Variants in MED28 observed in about 807,000 individuals in gnomAD.
The protein encoded by MED28 is mediator complex subunit 28, also known as mediator of RNA polymerase II transcription subunit 28.
A neutral mutation model predicts 21.3 loss-of-function variants in MED28; 26 were observed. The ratio of observed to expected loss-of-function variants is 1.22; its 90% CI spans 0.89 to 1.69. MED28 has a LOEUF of 1.69. MED28 is among the 40% of genes most tolerant of loss of function. The pLI is 0.00. For synonymous variants in MED28, 110 were observed against 87.6 expected, an observed-to-expected ratio of 1.26 and a Z score of -1.43; for missense variants, 257 against 215.4, an observed-to-expected ratio of 1.19 and a Z score of -1.21.
In MED28 at chr4:17,633,605, T is replaced by C; in HGVS notation, c.*9807T>C. The C allele has an allele frequency of 8.0e-7, 1 of 1,246,014 alleles. No homozygotes were observed. The highest frequency in any genetic ancestry group is 1.6e-5 in the African/African-American group (1 of 64,246). The allele number at this position is 1,246,014 out of a possible 1,614,324, so 77.2% of individuals were successfully genotyped here. ...TGAAAAAAGGCCTTCTGGAATTTGGTACCAGGTGCTAGAAAGAATCCTACT... is the reference window on the plus strand; with the variant it reads ...TGAAAAAAGGCCTTCTGGAATTTGGCACCAGGTGCTAGAAAGAATCCTACT... On this transcript the variant is annotated 3_prime_UTR_variant, in exon 4 of 4. Coordinates refer to ENST00000237380, the MANE Select transcript of MED28 (RefSeq NM_025205.5).
At chr4:17,615,398 T>TA (rs1560155883) in intron 1 of MED28, among the ~76,000 whole-genome samples, 1 of 152,152 alleles carries the variant, frequency 6.6e-6, no homozygotes, top group Admixed American at 6.6e-5. Context: ...TGAGGGAAGA[T>TA]AGAGAGGTGA....
chr4:17,623,445 A>G (rs1026114078), intron 3 of MED28, among the ~76,000 whole-genome samples, 156 bp from the exon 4 acceptor site: 14 of 150,670 alleles, frequency 9.3e-5, no homozygotes, highest in African/African-American at 3.4e-4. Flanking sequence ...AGAATCTGTC[A>G]TCTGGGTTAA....
intron 2 of MED28, among the ~76,000 whole-genome samples, chr4:17,620,915 C>G (rs746570620): frequency 6.6e-6 from 1 of 151,624 alleles, no homozygotes; most frequent in African/African-American, 2.4e-5. Context: ...GCTGTATTGC[C>G]CAGGCTGGTC....
Position 17,623,702 on chromosome 4 carries a change from C to T in MED28, c.441C>T (p.Asn147=), listed in dbSNP as rs373739347. Residue 147 remains asparagine, a synonymous_variant, in exon 4 of 4, where the codon AAC becomes AAT. Transcript: ENST00000237380. ...GGCAGCAGGTGCTGGAGGACATCAA[C>T]GTGCAGCACAAAAAGCCCGCCGACA... ...RHWQQVLEDI[N]VQHKKPADIP... 3.7e-5 allele frequency: 59 copies of T among 1,614,108 alleles called. No homozygotes were observed. The highest frequency in any genetic ancestry group is 1.5e-4 in the African/African-American group (11 of 74,932).
At chr4:17,617,065 C>T (rs1714474061) in intron 1 of MED28, among the ~76,000 whole-genome samples, 1 of 152,152 alleles carries the variant, frequency 6.6e-6, no homozygotes. Flanking sequence ...TGTGGGAGCA[C>T]ATATAGGTGT....
rs549925234 is a variant in MED28, at chr4:17,629,932, C to T, written c.*6134C>T. ...TAAGTTTGTGTCCTTAAATGCCTTA[C>T]TTCAATACCCAAGGCATATGGCCTC... On this transcript the variant is annotated 3_prime_UTR_variant, in exon 4 of 4. Coordinates refer to ENST00000237380, the MANE Select transcript of MED28 (RefSeq NM_025205.5). 2 of 152,278 alleles carry T rather than the reference C, an allele frequency of 1.3e-5. No individual in the cohort carries two copies. Among genetic ancestry groups the T allele is most frequent in the African/African-American group, 4.8e-5 (2 of 41,560 alleles). The allele number at this position is 152,278 out of a possible 1,614,324, so 9.4% of individuals were successfully genotyped here. A position where few individuals can be genotyped will look rare whatever the true frequency, so the allele number is the denominator to read the frequency against.
chr4:17,632,483 A>G lies in MED28; in HGVS notation c.*8685A>G. ...GTTCATTCCTTCAATCGGATGATTT[A>G]AAATAAATGTTTTTCAAGTATCCTC... On this transcript the variant is annotated 3_prime_UTR_variant, in exon 4 of 4. Transcript: ENST00000237380. 2.9e-6 allele frequency: 4 copies of G among 1,399,664 alleles called. No homozygotes were observed. The South Asian group carries it at 5.1e-5, about 18-fold the overall frequency. 86.7% of individuals were successfully genotyped at this position (1,399,664 alleles called of 1,614,324 possible).
At chr4:17,614,851 C>T (rs373114522) in intron 1 of MED28, 38 bp downstream of exon 1, 2 of 1,553,152 alleles carry the variant, frequency 1.3e-6, no homozygotes, top group South Asian at 1.2e-5. Context: ...CCTAGCCTTC[C>T]CTTTTTTCTG....
In MED28 at chr4:17,627,814, G is replaced by GT. The variant is rs1322184672; in HGVS notation, c.*4017dup. 6.6e-6 allele frequency: 1 copy of GT among 152,380 alleles called. No individual in the cohort carries two copies. Among genetic ancestry groups the GT allele is most frequent in the Non-Finnish European group, 1.5e-5 (1 of 68,186 alleles). 9.4% of individuals were successfully genotyped at this position (152,380 alleles called of 1,614,324 possible). On this transcript the variant is annotated 3_prime_UTR_variant, in exon 4 of 4. Transcript: ENST00000237380. ...ACTGCACTCCAGCCTGGGTGACAGAGTAAGACTTCGTCTCAAAAAATAAAA... is the reference window on the plus strand; with the variant it reads ...ACTGCACTCCAGCCTGGGTGACAGAGTTAAGACTTCGTCTCAAAAAATAAAA...
chr4:17,623,454 A>T, intron 3 of MED28, 147 bp from the exon 4 acceptor site: 1 of 704,200 alleles, frequency 1.4e-6, no homozygotes, highest in Non-Finnish European at 2.4e-6. Flanking sequence ...CATCTGGGTT[A>T]ATCAAATAGT....
intron 1 of MED28, among the ~76,000 whole-genome samples, chr4:17,615,254 C>T (rs1252063808): frequency 5.3e-5 from 8 of 152,120 alleles, no homozygotes. Flanking sequence ...ACTTAAGTTA[C>T]CAGGCGCAGC....
intron 1 of MED28, among the ~76,000 whole-genome samples, chr4:17,618,755 C>T (rs1714530527): frequency 4.1e-5 from 1 of 24,192 alleles, no homozygotes; most frequent in African/African-American, 1.1e-4. Context: ...ATCTGCCTTC[C>T]TAGTTAGGAT....
intron 3 of MED28, among the ~76,000 whole-genome samples, 174 bp from the exon 4 acceptor site, chr4:17,623,427 C>T (rs1377327526): frequency 7.0e-6 from 1 of 142,534 alleles, no homozygotes; most frequent in Non-Finnish European, 1.5e-5. Flanking sequence ...CCCATAAAAA[C>T]TTATGTTAGA....
At chr4:17,618,162 C>G (rs981440323) in intron 1 of MED28, among the ~76,000 whole-genome samples, 2 of 151,866 alleles carry the variant, frequency 1.3e-5, no homozygotes, top group African/African-American at 4.8e-5. Flanking sequence ...CAGGTGCGCA[C>G]CACTACGCCT....
At chr4:17,623,062 G>A (rs1172313778) in intron 3 of MED28, among the ~76,000 whole-genome samples, 1 of 152,080 alleles carries the variant, frequency 6.6e-6, no homozygotes, top group Non-Finnish European at 1.5e-5. Context: ...TTTCTTTTTG[G>A]CTGCCCTTTT....
Position 17,631,193 on chromosome 4 carries a change from C to G in MED28, c.*7395C>G, listed in dbSNP as rs1040793501. Reference sequence around the variant, plus strand: ...GAGGCAAATGGCTCAAACCCAAAGACCAGAGGTTCAGGGGATATATATATA... The same window carrying G: ...GAGGCAAATGGCTCAAACCCAAAGAGCAGAGGTTCAGGGGATATATATATA... On this transcript the variant is annotated 3_prime_UTR_variant, in exon 4 of 4. Transcript: ENST00000237380. 2 of 152,018 alleles carry G rather than the reference C, an allele frequency of 1.3e-5. No individual in the cohort carries two copies. Among genetic ancestry groups the G allele is most frequent in the African/African-American group, 4.8e-5 (2 of 41,300 alleles). 9.4% of individuals were successfully genotyped at this position (152,018 alleles called of 1,614,324 possible). A position where few individuals can be genotyped will look rare whatever the true frequency, so the allele number is the denominator to read the frequency against.
intron 1 of MED28, among the ~76,000 whole-genome samples, chr4:17,616,281 C>G (rs1714450089): frequency 6.6e-6 from 1 of 152,102 alleles, no homozygotes; most frequent in Non-Finnish European, 1.5e-5. Context: ...AAGGACAGAC[C>G]GTTTAGGAGG....
chr4:17,630,332 G>T lies in MED28; in HGVS notation c.*6534G>T, dbSNP rs1396802133. On this transcript the variant is annotated 3_prime_UTR_variant, in exon 4 of 4. Coordinates refer to ENST00000237380, the MANE Select transcript of MED28 (RefSeq NM_025205.5). ...GTCAATGTAATAGTATTAAGAGGTG[G>T]GGCTTTTGGGAAGCAATGGAGTCAT... 2 of 152,096 alleles carry T rather than the reference G, an allele frequency of 1.3e-5. No individual in the cohort carries two copies. The highest frequency in any genetic ancestry group is 2.9e-5 in the Non-Finnish European group (2 of 68,018). 9.4% of individuals were successfully genotyped at this position (152,096 alleles called of 1,614,324 possible).
Position 17,630,477 on chromosome 4 carries a change from T to G in MED28, c.*6679T>G, listed in dbSNP as rs1386740524. ...GCACCCATTTCTGAAGAATGGGCCCTCCCCAGACTCCATATCTGCTGGTGC... is the reference window on the plus strand; with the variant it reads ...GCACCCATTTCTGAAGAATGGGCCCGCCCCAGACTCCATATCTGCTGGTGC... On this transcript the variant is annotated 3_prime_UTR_variant, in exon 4 of 4. Coordinates refer to ENST00000237380, the MANE Select transcript of MED28 (RefSeq NM_025205.5). 1 of 152,158 alleles carries G rather than the reference T, an allele frequency of 6.6e-6. No homozygotes were observed. The highest frequency in any genetic ancestry group is 2.4e-5 in the African/African-American group (1 of 41,430). 9.4% of individuals were successfully genotyped at this position (152,158 alleles called of 1,614,324 possible).
Sources: gnomAD v4.1 joint callset for allele counts (sites outside exome capture counted in the v4.1 genomes callset) on GRCh38, gnomAD v4.1.1 for gene constraint, MANE v1.5 for transcripts, NCBI Gene and HGNC (gene_info 2026-07-23, HGNC 2026-07-21) for gene names.